Variants in FBXO16 observed in about 807,000 individuals in gnomAD.
FBXO16 encodes F-box protein 16.
FBXO16 carries 31 observed loss-of-function variants against 41.0 expected under a neutral mutation model. The observed-to-expected ratio is 0.76, with a 90% CI of 0.57 to 1.02. FBXO16 has a LOEUF of 1.02. Among genes scored for constraint, FBXO16 ranks in the 50% least tolerant of loss-of-function variants. The pLI is 0.00. For synonymous variants in FBXO16, 133 were observed against 117.8 expected (o/e 1.13, Z -0.84); for missense variants, 361 against 346.2 (o/e 1.04, Z -0.34).
rs185984661 is a variant in FBXO16, at chr8:28,432,348, C to T, written c.844-2945G>A. Among the ~76,000 whole-genome samples, 233 of 152,012 alleles carry T rather than the reference C, an allele frequency of 1.5e-3. 2 individuals are homozygous for T. The highest frequency in any genetic ancestry group is 5.4e-3 in the African/African-American group (222 of 41,440). ...AATTAGCGGGGCGTGGTGGCGGGTGCCTGTAATCCCAGCTACTCAGGAGGC... is the reference window on the plus strand; with the variant it reads ...AATTAGCGGGGCGTGGTGGCGGGTGTCTGTAATCCCAGCTACTCAGGAGGC... On this transcript the variant is annotated intron_variant, in intron 7 of 8. Coordinates refer to ENST00000380254, the MANE Select transcript of FBXO16 (RefSeq NM_172366.4).
intron 5 of FBXO16, among the ~76,000 whole-genome samples, chr8:28,452,768 T>C (rs1379399030): frequency 6.6e-6 from 1 of 151,852 alleles, no homozygotes; most frequent in East Asian, 1.9e-4. Flanking sequence ...GCCTTTGCGC[T>C]CCAGGCTGGG....
At chr8:28,440,378 T>A (rs547898764) in intron 7 of FBXO16, among the ~76,000 whole-genome samples, 45 of 152,256 alleles carry the variant, frequency 3.0e-4, no homozygotes, top group African/African-American at 9.9e-4. Context: ...CCTTGGGGTT[T>A]CCCAGCCACT....
At chr8:28,474,508 C>T (rs889689161) in intron 2 of FBXO16, among the ~76,000 whole-genome samples, 6 of 151,892 alleles carry the variant, frequency 4.0e-5, no homozygotes, top group Admixed American at 3.9e-4. Flanking sequence ...GAACATGAAA[C>T]TCCCCCATCT....
chr8:28,460,227 A>G (rs188495914), intron 4 of FBXO16, among the ~76,000 whole-genome samples: 5,505 of 80,678 alleles, frequency 0.068, 103 homozygotes, highest in African/African-American at 0.094. Context: ...ATGTGTGTGT[A>G]TATATATATA....
chr8:28,478,943 C>T (rs1231096059), intron 2 of FBXO16, among the ~76,000 whole-genome samples: 1 of 151,818 alleles, frequency 6.6e-6, no homozygotes, highest in Non-Finnish European at 1.5e-5. Flanking sequence ...CTGTCATCAG[C>T]GGGAGTGAGT....
intron 7 of FBXO16, among the ~76,000 whole-genome samples, chr8:28,439,154 C>T (rs1321972907): frequency 6.6e-6 from 1 of 150,740 alleles, no homozygotes; most frequent in Non-Finnish European, 1.5e-5. Context: ...TGAATGAGAG[C>T]ACGAACACAT....
At chr8:28,431,396 AAAGAC>A (rs1389812435) in intron 7 of FBXO16, among the ~76,000 whole-genome samples, 3 of 152,226 alleles carry the variant, frequency 2.0e-5, no homozygotes, top group Non-Finnish European at 4.4e-5. Context: ...TTACAAGAGA[AAAGAC>A]AAGATTTAAG....
chr8:28,441,435 G>A (rs576015381), intron 7 of FBXO16, among the ~76,000 whole-genome samples: 1 of 152,102 alleles, frequency 6.6e-6, no homozygotes, highest in Non-Finnish European at 1.5e-5. Context: ...TGCATCTGCT[G>A]TTAAAATTAA....
At chr8:28,447,358 T>C in intron 6 of FBXO16, 85 bp from the exon 7 acceptor site, 4 of 1,152,058 alleles carry the variant, frequency 3.5e-6, no homozygotes, top group Non-Finnish European at 5.0e-6. Context: ...TGTTTGAGTT[T>C]GTTGTTCCTG....
In FBXO16 at chr8:28,456,831, C is replaced by T; in HGVS notation, c.442G>A (p.Glu148Lys). ...WYINFSPTPF[E>K]QGIWKKHYIQ... Reference sequence around the variant, plus strand: ...TAGTGCTTCTTCCAGATCCCCTGCTCAAAGGGAGTTGGAGAGAAATTGATG... The same window carrying T: ...TAGTGCTTCTTCCAGATCCCCTGCTTAAAGGGAGTTGGAGAGAAATTGATG... Residue 148 changes from glutamate to lysine, a missense_variant, in exon 5 of 9, where the codon GAG becomes AAG. Physicochemically the swap from Glu to Lys is moderately conservative, Grantham distance 56. Transcript: ENST00000380254. The T allele has an allele frequency of 2.5e-6, 4 of 1,614,094 alleles. No homozygotes were observed. Among genetic ancestry groups the T allele is most frequent in the Non-Finnish European group, 3.4e-6 (4 of 1,180,016 alleles).
rs1216851836 is a variant in FBXO16, at chr8:28,456,930, C to T, written c.343G>A (p.Val115Met). 2.5e-6 allele frequency: 4 copies of T among 1,610,820 alleles called. No individual in the cohort carries two copies. The highest frequency in any genetic ancestry group is 2.2e-5 in the East Asian group (1 of 44,848). Residue 115 changes from valine (V) to methionine (M), a missense_variant and splice_region_variant, in exon 5 of 9, where the codon GTG becomes ATG. Coordinates refer to ENST00000380254, the MANE Select transcript of FBXO16 (RefSeq NM_172366.4). ...GCAAGGTTCTTCCAATGCCAGCACACCTGGAAAAACAATTACAATTAAACA... is the reference window on the plus strand; with the variant it reads ...GCAAGGTTCTTCCAATGCCAGCACATCTGGAAAAACAATTACAATTAAACA... ...DPRSLCRCAQ[V>M]CWHWKNLAEL...
chr8:28,441,343 C>T (rs1489889990), intron 7 of FBXO16, among the ~76,000 whole-genome samples: 1 of 152,202 alleles, frequency 6.6e-6, no homozygotes, highest in Non-Finnish European at 1.5e-5. Flanking sequence ...GACATCCTTG[C>T]TCTCAAGGCC....
In FBXO16 at chr8:28,474,719, T is replaced by C. The variant is rs1208720556; in HGVS notation, c.100-912A>G. ...TTGAATACTTGTTGGTATAGGTTTA[T>C]TACAATATATTATTTAGGACAGAAA... On this transcript the variant is annotated intron_variant, in intron 2 of 8. Coordinates refer to ENST00000380254, the MANE Select transcript of FBXO16 (RefSeq NM_172366.4). Among the ~76,000 whole-genome samples, 3 of 152,372 alleles carry C rather than the reference T, an allele frequency of 2.0e-5. No homozygotes were observed. In the South Asian group the frequency reaches 6.2e-4, roughly 32 times the overall value.
At chr8:28,472,417 T>C (rs1454831854) in intron 3 of FBXO16, among the ~76,000 whole-genome samples, 2 of 152,162 alleles carry the variant, frequency 1.3e-5, no homozygotes, top group Admixed American at 6.5e-5. Context: ...CACCTTTCTG[T>C]GCTCTACTTT....
chr8:28,441,970 G>C (rs1285345975), intron 7 of FBXO16, among the ~76,000 whole-genome samples: 1 of 126,586 alleles, frequency 7.9e-6, no homozygotes, highest in African/African-American at 3.0e-5. Flanking sequence ...TTTTGAGACA[G>C]TCTTGCTCTG....
chr8:28,456,863 T>C lies in FBXO16; in HGVS notation c.410A>G (p.Asn137Ser). 6.2e-7 allele frequency: 1 copy of C among 1,614,176 alleles called. No individual in the cohort carries two copies. Among genetic ancestry groups the C allele is most frequent in the Admixed American group, 1.7e-5 (1 of 60,022 alleles). ...AGTTGGAGAGAAATTGATGTACCAGTTAAACCGTAAACATTTCAGCATCCA... is the reference window on the plus strand; with the variant it reads ...AGTTGGAGAGAAATTGATGTACCAGCTAAACCGTAAACATTTCAGCATCCA... ...QLWMLKCLRF[N>S]WYINFSPTPF... The change falls in exon 5 of 9, where the codon AAC becomes AGC. Residue 137 changes from asparagine to serine, a missense_variant. Coordinates refer to ENST00000380254, the MANE Select transcript of FBXO16 (RefSeq NM_172366.4).
chr8:28,428,839 A>C, intron 8 of FBXO16, 103 bp from the exon 9 acceptor site: 1 of 1,272,610 alleles, frequency 7.9e-7, no homozygotes, highest in South Asian at 1.6e-5. Flanking sequence ...TTACAAAATT[A>C]TAGGGCTGGA....
rs75838960 is a variant in FBXO16, at chr8:28,474,763, G to A, written c.100-956C>T. Among the ~76,000 whole-genome samples, 195 of 152,306 alleles carry A rather than the reference G, an allele frequency of 1.3e-3. 4 individuals carry two copies. In the East Asian group the frequency reaches 0.035, roughly 27 times the overall value. On this transcript the variant is annotated intron_variant, in intron 2 of 8. Coordinates refer to ENST00000380254, the MANE Select transcript of FBXO16 (RefSeq NM_172366.4). Reference sequence around the variant, plus strand: ...ACAGAAACTAAGTCTTATTCATCTTGACATCTCCAGTAGAGTGCTTACAGA... The same window carrying A: ...ACAGAAACTAAGTCTTATTCATCTTAACATCTCCAGTAGAGTGCTTACAGA...
chr8:28,468,184 C>G (rs978131976), intron 3 of FBXO16, among the ~76,000 whole-genome samples: 14 of 152,308 alleles, frequency 9.2e-5, no homozygotes, highest in African/African-American at 3.4e-4. Flanking sequence ...ATTGGGGGAC[C>G]GTCAGGACCA....
Sources: allele counts gnomAD v4.1 joint callset (sites outside exome capture counted in the v4.1 genomes callset), GRCh38; gene constraint gnomAD v4.1.1; transcripts MANE v1.5; gene names NCBI Gene and HGNC (gene_info 2026-07-23, HGNC 2026-07-21).